Variants in NWD2 observed in about 807,000 individuals in gnomAD.
NWD2 encodes the protein NACHT and WD repeat domain containing 2.
In NWD2, 37 loss-of-function variants were observed where a neutral mutation model predicts 132.7. The ratio of observed to expected loss-of-function variants is 0.28; its 90% CI spans 0.21 to 0.37. NWD2 has a LOEUF of 0.37. Ranked by LOEUF, NWD2 falls within the 10% of genes least tolerant of loss-of-function variation. The pLI is 1.00. For synonymous variants in NWD2, 705 were observed against 803.0 expected (o/e 0.88, Z 2.06); for missense variants, 1,592 against 2,122.4 (o/e 0.75, Z 4.91).
intron 3 of NWD2, among the ~76,000 whole-genome samples, chr4:37,413,629 C>A (rs1445755620): frequency 2.0e-5 from 3 of 152,044 alleles, no homozygotes. Context: ...GGGTATATAC[C>A]CAAAGGATTA....
At chr4:37,283,036 G>A (rs977576003) in intron 1 of NWD2, among the ~76,000 whole-genome samples, 4 of 152,086 alleles carry the variant, frequency 2.6e-5, no homozygotes, top group African/African-American at 9.7e-5. Context: ...TGTCGCACCA[G>A]GGACTCACAC....
chr4:37,358,071 T>G (rs1271612750), intron 3 of NWD2, among the ~76,000 whole-genome samples: 2 of 152,168 alleles, frequency 1.3e-5, no homozygotes, highest in African/African-American at 4.8e-5. Context: ...TTTTTATTTT[T>G]AAGACTAAGA....
At chr4:37,405,421 T>TAATAGAATAGAATACAATAGAATAG (rs1315500729) in intron 3 of NWD2, among the ~76,000 whole-genome samples, 19 of 141,414 alleles carry the variant, frequency 1.3e-4, no homozygotes, top group African/African-American at 5.1e-4. Flanking sequence ...TAGTTGAATG[T>TAATAGAATAGAATACAATAGAATAG]AATAGAATAG....
At chr4:37,413,854 A>T (rs1448617330) in intron 3 of NWD2, among the ~76,000 whole-genome samples, 1 of 152,198 alleles carries the variant, frequency 6.6e-6, no homozygotes, top group Non-Finnish European at 1.5e-5. Context: ...CATCATTCTC[A>T]GCAAACTATC....
chr4:37,277,166 G>T (rs565186192), intron 1 of NWD2, among the ~76,000 whole-genome samples: 4 of 150,732 alleles, frequency 2.7e-5, no homozygotes, highest in African/African-American at 9.8e-5. Flanking sequence ...TAATTGTACC[G>T]ATCCTCTGCA....
intron 1 of NWD2, among the ~76,000 whole-genome samples, chr4:37,257,515 C>A (rs913842903): frequency 6.6e-6 from 1 of 152,068 alleles, no homozygotes; most frequent in Non-Finnish European, 1.5e-5. Context: ...AAATGCTACA[C>A]CTAGGCATCT....
At chr4:37,302,114 C>G (rs1369414) in intron 1 of NWD2, among the ~76,000 whole-genome samples, 5,374 of 151,662 alleles carry the variant, frequency 0.035, 324 homozygotes, top group African/African-American at 0.12. Flanking sequence ...TATTCCCTTA[C>G]CATCCACTCT....
chr4:37,427,209 T>C (rs780052320), intron 3 of NWD2, among the ~76,000 whole-genome samples: 9 of 152,194 alleles, frequency 5.9e-5, no homozygotes, highest in Non-Finnish European at 1.3e-4. Flanking sequence ...AGACATTCTC[T>C]TATTCCCTAT....
chr4:37,437,798 T>G (rs1360169316), intron 5 of NWD2, among the ~76,000 whole-genome samples: 2 of 152,232 alleles, frequency 1.3e-5, no homozygotes, highest in African/African-American at 4.8e-5. Context: ...ATAATATATA[T>G]GTACTTGTGT....
At chr4:37,364,484 T>A (rs957316322) in intron 3 of NWD2, among the ~76,000 whole-genome samples, 1 of 152,170 alleles carries the variant, frequency 6.6e-6, no homozygotes, top group African/African-American at 2.4e-5. Context: ...GAATCTTGCC[T>A]GCAGTAGTAT....
intron 1 of NWD2, among the ~76,000 whole-genome samples, chr4:37,254,817 T>G (rs1385418278): frequency 6.6e-6 from 1 of 152,218 alleles, no homozygotes; most frequent in African/African-American, 2.4e-5. Flanking sequence ...GAAATCTCAT[T>G]TTCAATCCAA....
chr4:37,396,230 C>T (rs900701727), intron 3 of NWD2, among the ~76,000 whole-genome samples: 3 of 152,148 alleles, frequency 2.0e-5, no homozygotes, highest in Admixed American at 6.5e-5. Flanking sequence ...TGATATTATC[C>T]GATTGTCTTC....
chr4:37,394,799 G>GTTTTTTTGTTTTTTTTTTT (rs1720747182), intron 3 of NWD2, among the ~76,000 whole-genome samples: 1 of 52,596 alleles, frequency 1.9e-5, no homozygotes, highest in African/African-American at 7.7e-5. Flanking sequence ...AACCTTTATG[G>GTTTTTTTGTTTTTTTTTTT]TTTTTTTTTT....
chr4:37,392,247 C>G (rs1197276194), intron 3 of NWD2, among the ~76,000 whole-genome samples: 1 of 152,104 alleles, frequency 6.6e-6, no homozygotes. Flanking sequence ...AAAGCAAACT[C>G]TTAAATCCGT....
At chr4:37,426,483 A>G (rs1482516057) in intron 3 of NWD2, among the ~76,000 whole-genome samples, 1 of 152,204 alleles carries the variant, frequency 6.6e-6, no homozygotes, top group African/African-American at 2.4e-5. Context: ...TTTAAGGAAC[A>G]TTCTGCCTTA....
intron 5 of NWD2, 86 bp downstream of exon 5, chr4:37,434,106 A>G (rs746913165): frequency 1.0e-4 from 81 of 786,044 alleles, no homozygotes; most frequent in Non-Finnish European, 1.5e-4. Context: ...TGCAAATTTA[A>G]TCTCATTTAC....
intron 1 of NWD2, among the ~76,000 whole-genome samples, chr4:37,271,191 AT>A (rs565403943): frequency 2.0e-4 from 30 of 151,812 alleles, no homozygotes; most frequent in East Asian, 5.8e-4. Context: ...CATCCACTCT[AT>A]TTTTTCCCAC....
chr4:37,446,314 C>T lies in NWD2; in HGVS notation c.4326C>T (p.Ala1442=). 1 of 1,551,836 alleles carries T rather than the reference C, an allele frequency of 6.4e-7. No homozygotes were observed. Among genetic ancestry groups the T allele is most frequent in the Non-Finnish European group, 8.7e-7 (1 of 1,147,044 alleles). The stretch of plus-strand genomic sequence containing the variant: ...ACATTCTGACCACTTTGCAGAATGC[C>T]TTTATTACCTCCGCAAATACCTTCG... ...VCNILTTLQN[A]FITSANTFVV... The change falls in exon 7 of 7, where the codon GCC becomes GCT. Residue 1442 remains alanine (A), a synonymous_variant. Transcript: ENST00000309447. This position sits in a 1 kb window ranked among gnomAD's most constrained non-coding sequence, Gnocchi z 6.7.
intron 6 of NWD2, among the ~76,000 whole-genome samples, chr4:37,441,219 T>G (rs750698792): frequency 1.3e-5 from 2 of 152,250 alleles, no homozygotes; most frequent in African/African-American, 2.4e-5. Context: ...AGGCTTGTAT[T>G]TAGGGTCCAC....
Sources: allele counts gnomAD v4.1 joint callset (sites outside exome capture counted in the v4.1 genomes callset), GRCh38; gene constraint gnomAD v4.1.1; non-coding constraint Gnocchi (gnomAD v3.1); transcripts MANE v1.5; gene names NCBI Gene and HGNC (gene_info 2026-07-23, HGNC 2026-07-21).